GALNT9: variants seen among roughly 807,000 people sequenced by gnomAD.
The protein encoded by GALNT9 is polypeptide N-acetylgalactosaminyltransferase 9.
Under a neutral mutation model 63.1 loss-of-function variants are expected in GALNT9, and 47 were observed. The observed-to-expected ratio is 0.75, with a 90% CI of 0.59 to 0.95. The LOEUF is 0.95. Ranked by LOEUF, GALNT9 falls within the 40% of genes least tolerant of loss-of-function variation. The probability of loss-of-function intolerance (pLI) is 0.00; values close to 1 mark genes in which losing one functional copy is unlikely to be tolerated. For missense variants in GALNT9, 829 were observed against 874.8 expected, an observed-to-expected ratio of 0.95 and a Z score of 0.66; for synonymous variants, 396 against 365.7, an observed-to-expected ratio of 1.08 and a Z score of -0.94.
chr12:132,290,125 C>G (rs1330560752), intron 1 of GALNT9, among the ~76,000 whole-genome samples: 3 of 152,102 alleles, frequency 2.0e-5, no homozygotes, highest in African/African-American at 7.2e-5. Context: ...TCAGGGGTGC[C>G]AATTTCCCAC....
chr12:132,239,683 GAC>G (rs1878169109), intron 6 of GALNT9, among the ~76,000 whole-genome samples: 1 of 151,942 alleles, frequency 6.6e-6, no homozygotes, highest in Admixed American at 6.6e-5. Flanking sequence ...GAGACAAAGA[GAC>G]AGAGATACAG....
intron 6 of GALNT9, among the ~76,000 whole-genome samples, chr12:132,226,231 C>G (rs1877682037): frequency 6.8e-6 from 1 of 147,730 alleles, no homozygotes; most frequent in Non-Finnish European, 1.5e-5. Flanking sequence ...ACATACACCC[C>G]ATACACAACA....
At chr12:132,251,367 G>T (rs927739687) in intron 5 of GALNT9, among the ~76,000 whole-genome samples, 2 of 152,224 alleles carry the variant, frequency 1.3e-5, no homozygotes, top group South Asian at 4.1e-4. Context: ...CGCCGGTTAC[G>T]GGGCAGGAAG....
intron 6 of GALNT9, among the ~76,000 whole-genome samples, chr12:132,225,811 T>C (rs1877651861): frequency 9.3e-6 from 1 of 107,312 alleles, no homozygotes; most frequent in South Asian, 3.4e-4. Flanking sequence ...CACACCCCAC[T>C]GTACATGCAT....
intron 1 of GALNT9, among the ~76,000 whole-genome samples, chr12:132,324,028 A>C (rs1868920671): frequency 6.6e-6 from 1 of 152,264 alleles, no homozygotes; most frequent in African/African-American, 2.4e-5. Flanking sequence ...CTCAAGCTGG[A>C]AAGGCCGCCT....
At chr12:132,266,945 T>C (rs1879622156) in intron 2 of GALNT9, among the ~76,000 whole-genome samples, 1 of 152,054 alleles carries the variant, frequency 6.6e-6, no homozygotes, top group South Asian at 2.1e-4. Flanking sequence ...GGGCAGAGAC[T>C]CAGGTGAGCA....
rs2136894600 is a variant in GALNT9, at chr12:132,236,312, G to T, written c.1077+11598C>A. 6.6e-6 allele frequency among the ~76,000 whole-genome samples: 1 copy of T among 152,104 alleles called. No individual in the cohort carries two copies. Among genetic ancestry groups the T allele is most frequent in the African/African-American group, 2.4e-5 (1 of 41,400 alleles). On this transcript the variant is annotated intron_variant, in intron 6 of 10. Coordinates refer to ENST00000328957, the MANE Select transcript of GALNT9 (RefSeq NM_001122636.2). This position sits in a 1 kb window ranked among gnomAD's most constrained non-coding sequence, Gnocchi z 5.6. The stretch of plus-strand genomic sequence containing the variant: ...ATGGCCCTGGAGTGGGGGTCGCGGT[G>T]GGCCTGGGTCGGGGCCAAGGGAGCC...
chr12:132,225,390 TAC>T (rs1368417502), intron 6 of GALNT9, among the ~76,000 whole-genome samples: 1 of 104,112 alleles, frequency 9.6e-6, no homozygotes, highest in Non-Finnish European at 1.9e-5. Flanking sequence ...GTACACACCC[TAC>T]ACACATACAC....
In GALNT9 at chr12:132,286,215, G is replaced by A. The variant is rs578090605; in HGVS notation, c.419+35C>T. ...TGTGGGGGGCGGTCACTTCCTCGGC[G>A]GGCGTCGGGGGATGGGGGGCAGTCA... On this transcript the variant is annotated intron_variant, in intron 2 of 10. Coordinates refer to ENST00000328957, the MANE Select transcript of GALNT9 (RefSeq NM_001122636.2). The surrounding 1 kb of genome is among the most constrained non-coding windows in gnomAD (Gnocchi z 7.4). 1.4e-5 allele frequency: 22 copies of A among 1,529,092 alleles called. No individual in the cohort carries two copies. Among genetic ancestry groups the A allele is most frequent in the African/African-American group, 5.5e-5 (4 of 72,438 alleles). The allele number at this position is 1,529,092 out of a possible 1,614,324, so 94.7% of individuals were successfully genotyped here. A position where few individuals can be genotyped will look rare whatever the true frequency, so the allele number is the denominator to read the frequency against.
At chr12:132,306,656 TC>T (rs1277705632) in intron 1 of GALNT9, among the ~76,000 whole-genome samples, 1 of 151,990 alleles carries the variant, frequency 6.6e-6, no homozygotes, top group Non-Finnish European at 1.5e-5. Flanking sequence ...CTCCACGCCT[TC>T]CCCCCTGCTC....
At position 132,329,311 on chromosome 12, in the gene GALNT9, G is replaced by A. The variant is rs1166273461; in HGVS notation, c.-108C>T. On this transcript the variant is annotated 5_prime_UTR_variant, in exon 1 of 11. Coordinates refer to ENST00000328957, the MANE Select transcript of GALNT9 (RefSeq NM_001122636.2). ...GACCATGAGCCGCCCGGGGCTGCGGGGGCTGCGGGGCTCGGCCGGAGCTGT... is the reference window on the plus strand; with the variant it reads ...GACCATGAGCCGCCCGGGGCTGCGGAGGCTGCGGGGCTCGGCCGGAGCTGT... 9.2e-6 allele frequency: 13 copies of A among 1,420,390 alleles called. No homozygotes were observed. Among genetic ancestry groups the A allele is most frequent in the Non-Finnish European group, 1.1e-5 (12 of 1,079,646 alleles). The allele number at this position is 1,420,390 out of a possible 1,614,324, so 88.0% of individuals were successfully genotyped here. A position where few individuals can be genotyped will look rare whatever the true frequency, so the allele number is the denominator to read the frequency against.
At chr12:132,301,450 GA>G (rs1326968199) in intron 1 of GALNT9, among the ~76,000 whole-genome samples, 2 of 152,274 alleles carry the variant, frequency 1.3e-5, no homozygotes, top group Non-Finnish European at 2.9e-5. Context: ...TTCTGAGCCA[GA>G]CCAAGGTGCC....
chr12:132,301,846 G>C (rs78352337), intron 1 of GALNT9, among the ~76,000 whole-genome samples: 1,953 of 152,308 alleles, frequency 0.013, 30 homozygotes, highest in African/African-American at 0.044. Flanking sequence ...TCTGCATTTT[G>C]CTTTTTGCCT....
chr12:132,269,769 C>T (rs1364515211), intron 2 of GALNT9, among the ~76,000 whole-genome samples: 1 of 152,214 alleles, frequency 6.6e-6, no homozygotes, highest in Non-Finnish European at 1.5e-5. Context: ...TGGCACGTGG[C>T]GCCTGCTGGG....
intron 6 of GALNT9, among the ~76,000 whole-genome samples, chr12:132,229,164 C>T (rs1691432977): frequency 1.3e-5 from 2 of 152,316 alleles, no homozygotes; most frequent in East Asian, 3.9e-4. Context: ...GAACACTGTT[C>T]CCTGCAGCTG....
chr12:132,243,310 T>G (rs1421340773), intron 6 of GALNT9, among the ~76,000 whole-genome samples: 2 of 101,232 alleles, frequency 2.0e-5, no homozygotes, highest in Non-Finnish European at 3.9e-5. Context: ...CCTATACCCA[T>G]TACACACACA....
intron 6 of GALNT9, among the ~76,000 whole-genome samples, chr12:132,210,882 T>TG (rs1404343476): frequency 6.6e-6 from 1 of 151,042 alleles, no homozygotes; most frequent in Non-Finnish European, 1.5e-5. Flanking sequence ...GGTCGCCGTC[T>TG]GGGTGGTCGC....
intron 6 of GALNT9, among the ~76,000 whole-genome samples, chr12:132,231,107 C>A (rs1243430740): frequency 2.4e-5 from 2 of 83,226 alleles, no homozygotes; most frequent in Non-Finnish European, 4.4e-5. Flanking sequence ...CAGCGTGGAG[C>A]CCCTACTGCC....
chr12:132,257,891 G>A lies in GALNT9; in HGVS notation c.762-5C>T, dbSNP rs1035834323. On this transcript the variant is annotated splice_polypyrimidine_tract_variant and splice_region_variant and intron_variant, in intron 4 of 10. Transcript: ENST00000328957. ...CGCGACAGTGCGGGCTCGGCCCTGC[G>A]GAGGCACAGCTGTGAGGAGGGGCGG... 3.2e-5 allele frequency: 49 copies of A among 1,524,512 alleles called. No homozygotes were observed. Among genetic ancestry groups the A allele is most frequent in the African/African-American group, 6.9e-5 (5 of 72,694 alleles). The allele number at this position is 1,524,512 out of a possible 1,614,324, so 94.4% of individuals were successfully genotyped here.
Sources: gnomAD v4.1 joint callset for allele counts (sites outside exome capture counted in the v4.1 genomes callset) on GRCh38, gnomAD v4.1.1 for gene constraint, Gnocchi (gnomAD v3.1) non-coding constraint, MANE v1.5 for transcripts, NCBI Gene and HGNC (gene_info 2026-07-23, HGNC 2026-07-21) for gene names.